CACHD1: variants seen among roughly 807,000 people sequenced by gnomAD.
CACHD1 encodes cache domain containing 1, also known as VWFA and cache domain-containing protein 1.
CACHD1 carries 71 observed loss-of-function variants against 138.7 expected under a neutral mutation model. That is an observed-to-expected ratio of 0.51 (90% CI 0.42 to 0.62). The LOEUF is 0.62. Ranked by LOEUF, CACHD1 falls within the 20% of genes least tolerant of loss-of-function variation. The pLI, the probability that CACHD1 is intolerant of heterozygous loss-of-function variation, is 0.00. For synonymous variants in CACHD1, 578 were observed against 591.5 expected (o/e 0.98, Z 0.33); for missense variants, 1,389 against 1,625.3 (o/e 0.85, Z 2.50).
intron 1 of CACHD1, among the ~76,000 whole-genome samples, chr1:64,502,221 T>A (rs763600368): frequency 1.3e-5 from 2 of 152,230 alleles, no homozygotes; most frequent in Non-Finnish European, 2.9e-5. Flanking sequence ...TGTGAACTTA[T>A]CCTGTAATGT....
At chr1:64,671,243 C>T (rs1649803263) in intron 16 of CACHD1, among the ~76,000 whole-genome samples, 1 of 152,044 alleles carries the variant, frequency 6.6e-6, no homozygotes. Context: ...AGTAGTCATG[C>T]ATCCAACCTC....
At chr1:64,559,758 T>C (rs1230451016) in intron 2 of CACHD1, among the ~76,000 whole-genome samples, 1 of 152,214 alleles carries the variant, frequency 6.6e-6, no homozygotes, top group Non-Finnish European at 1.5e-5. Flanking sequence ...TTTGATAGAA[T>C]TCAGGAGAGC....
chr1:64,600,402 A>G (rs1410309998), intron 3 of CACHD1, among the ~76,000 whole-genome samples: 1 of 151,976 alleles, frequency 6.6e-6, no homozygotes, highest in African/African-American at 2.4e-5. Context: ...GATCCCAGGA[A>G]TCTGCATTCT....
chr1:64,624,164 T>C (rs1261810012), intron 4 of CACHD1, among the ~76,000 whole-genome samples: 2 of 152,334 alleles, frequency 1.3e-5, no homozygotes, highest in Middle Eastern at 3.4e-3. Flanking sequence ...CTTCTGCTAG[T>C]ACCAAATAAT....
chr1:64,580,249 T>G (rs1647001627), intron 2 of CACHD1, among the ~76,000 whole-genome samples: 1 of 152,132 alleles, frequency 6.6e-6, no homozygotes, highest in Non-Finnish European at 1.5e-5. Context: ...CCCTGATAAG[T>G]TATCATTTTG....
intron 12 of CACHD1, among the ~76,000 whole-genome samples, chr1:64,655,669 T>G (rs1649238475): frequency 6.6e-6 from 1 of 152,220 alleles, no homozygotes; most frequent in Non-Finnish European, 1.5e-5. Context: ...CAAAGAATCA[T>G]AGAGAAAGCG....
At chr1:64,688,479 A>C (rs1650436525) in intron 26 of CACHD1, among the ~76,000 whole-genome samples, 1 of 152,066 alleles carries the variant, frequency 6.6e-6, no homozygotes, top group African/African-American at 2.4e-5. Flanking sequence ...CAAGGATGTC[A>C]GCTCCCTGGC....
intron 1 of CACHD1, among the ~76,000 whole-genome samples, chr1:64,508,209 C>T (rs1646391964): frequency 1.3e-5 from 2 of 152,188 alleles, no homozygotes; most frequent in Non-Finnish European, 2.9e-5. Flanking sequence ...CCACATGATC[C>T]AATCACTTCC....
chr1:64,668,341 AG>A (rs1649706171), intron 16 of CACHD1, among the ~76,000 whole-genome samples: 1 of 149,908 alleles, frequency 6.7e-6, no homozygotes, highest in African/African-American at 2.5e-5. Flanking sequence ...AAAAAAAAAA[AG>A]AAAAAGAAAA....
chr1:64,548,916 T>C lies in CACHD1; in HGVS notation c.199-1678T>C, dbSNP rs895599256. ...CATGACCGCAGCATCTTTTAATGTA[T>C]GTAAAGCAATCAGGTAGCAAATTCT... On this transcript the variant is annotated intron_variant, in intron 1 of 26. Coordinates refer to ENST00000651257, the MANE Select transcript of CACHD1 (RefSeq NM_020925.4). Among the ~76,000 whole-genome samples, 4 of 152,224 alleles carry C rather than the reference T, an allele frequency of 2.6e-5. 1 individual carries two copies. Among genetic ancestry groups the C allele is most frequent in the Admixed American group, 2.0e-4 (3 of 15,284 alleles).
intron 2 of CACHD1, among the ~76,000 whole-genome samples, chr1:64,572,710 C>T (rs1646935597): frequency 6.6e-6 from 1 of 152,144 alleles, no homozygotes; most frequent in East Asian, 1.9e-4. Flanking sequence ...TGTACTCCTC[C>T]CAGCTCAGCA....
chr1:64,525,149 G>T (rs1202966556), intron 1 of CACHD1, among the ~76,000 whole-genome samples: 1 of 151,874 alleles, frequency 6.6e-6, no homozygotes, highest in East Asian at 1.9e-4. Flanking sequence ...TTATAATATT[G>T]TTTGTATTCT....
intron 13 of CACHD1, 33 bp downstream of exon 13, chr1:64,658,906 T>C: frequency 4.0e-6 from 6 of 1,490,570 alleles, no homozygotes; most frequent in Non-Finnish European, 5.4e-6. Context: ...ACATTCTTAC[T>C]CTTAGCAGCT....
chr1:64,599,469 T>G, intron 3 of CACHD1, among the ~76,000 whole-genome samples: 1 of 150,958 alleles, frequency 6.6e-6, no homozygotes, highest in Admixed American at 6.6e-5. Flanking sequence ...AAGGGTGGAG[T>G]GGACACTGGA....
chr1:64,498,609 C>T (rs1646320076), intron 1 of CACHD1, among the ~76,000 whole-genome samples: 1 of 152,212 alleles, frequency 6.6e-6, no homozygotes, highest in Non-Finnish European at 1.5e-5. Flanking sequence ...TTCTACCACA[C>T]TACAGCATCT....
At chr1:64,665,739 G>C (rs868742047) in intron 15 of CACHD1, among the ~76,000 whole-genome samples, 1 of 152,050 alleles carries the variant, frequency 6.6e-6, no homozygotes, top group African/African-American at 2.4e-5. Flanking sequence ...TGACTTGGCC[G>C]GGTGCGGTGA....
chr1:64,523,268 T>C (rs888074496), intron 1 of CACHD1, among the ~76,000 whole-genome samples: 14 of 152,184 alleles, frequency 9.2e-5, no homozygotes, highest in East Asian at 1.9e-4. Flanking sequence ...ATGAACAAGA[T>C]TGACTATGAG....
chr1:64,666,199 T>G, intron 16 of CACHD1, 32 bp downstream of exon 16: 1 of 1,359,276 alleles, frequency 7.4e-7, no homozygotes, highest in Non-Finnish European at 1.0e-6. Context: ...TAGTCATTTC[T>G]TAAATATATC....
intron 2 of CACHD1, among the ~76,000 whole-genome samples, chr1:64,567,568 A>G (rs1646892443): frequency 6.6e-6 from 1 of 152,170 alleles, no homozygotes; most frequent in Non-Finnish European, 1.5e-5. Context: ...GAGGAAATCG[A>G]GACTCAGAGA....
Sources: allele counts gnomAD v4.1 joint callset (sites outside exome capture counted in the v4.1 genomes callset), GRCh38; gene constraint gnomAD v4.1.1; transcripts MANE v1.5; gene names NCBI Gene and HGNC (gene_info 2026-07-23, HGNC 2026-07-21).